The following SSBP3 variants were observed in gnomAD, a reference collection of about 807,000 sequenced individuals.
SSBP3 encodes the protein single-stranded DNA-binding protein 3.
A neutral mutation model predicts 69.6 loss-of-function variants in SSBP3; 5 were observed. The observed-to-expected ratio is 0.07, with a 90% confidence interval of 0.04 to 0.15. The LOEUF (loss-of-function observed/expected upper bound fraction) is 0.15. Among genes scored for constraint, SSBP3 ranks in the 10% least tolerant of loss-of-function variants. SSBP3 has a pLI of 1.00. For synonymous variants in SSBP3, 196 were observed against 193.4 expected (o/e 1.01, Z -0.11); for missense variants, 312 against 534.0 (o/e 0.58, Z 4.10).
intron 4 of SSBP3, among the ~76,000 whole-genome samples, chr1:54,327,879 C>G (rs1455701537): frequency 1.3e-5 from 2 of 152,208 alleles, no homozygotes. Context: ...CTGGGGCTCA[C>G]TCTGCATCTT....
rs188037020 is a variant in SSBP3, at chr1:54,289,180, G to A, written c.277-7653C>T. On this transcript the variant is annotated intron_variant, in intron 4 of 17. Transcript: ENST00000610401. ...AGAAGCACAATCCATTCCCGTGTTT[G>A]AGACTGTCTATATGTTTTTGTGCTT... Among the ~76,000 whole-genome samples the A allele has an allele frequency of 9.4e-4, 143 of 152,220 alleles. 1 individual carries two copies. Among genetic ancestry groups the A allele is most frequent in the Middle Eastern group, 6.8e-3 (2 of 294 alleles).
intron 4 of SSBP3, among the ~76,000 whole-genome samples, chr1:54,340,205 G>A (rs988539565): frequency 2.0e-5 from 3 of 152,152 alleles, no homozygotes; most frequent in African/African-American, 7.2e-5. Flanking sequence ...TATCTCTCTT[G>A]CCTCTGTGCA....
chr1:54,406,949 C>G (rs888109718), upstream of SSBP3, among the ~76,000 whole-genome samples: 3 of 151,992 alleles, frequency 2.0e-5, no homozygotes, highest in African/African-American at 7.2e-5. Context: ...GACTCCAGCC[C>G]GGCCCCCAGC....
intron 4 of SSBP3, among the ~76,000 whole-genome samples, chr1:54,335,166 G>A (rs934213885): frequency 6.6e-6 from 1 of 152,190 alleles, no homozygotes; most frequent in Non-Finnish European, 1.5e-5. Context: ...CTTGTTACCA[G>A]AATCCCATCA....
chr1:54,267,258 C>G (rs927800123), intron 5 of SSBP3, among the ~76,000 whole-genome samples: 14 of 152,186 alleles, frequency 9.2e-5, no homozygotes, highest in Admixed American at 3.3e-4. Context: ...CCACATGTAT[C>G]CATACAACAG....
chr1:54,403,338 A>G (rs762875965), intron 3 of SSBP3, among the ~76,000 whole-genome samples: 1 of 152,180 alleles, frequency 6.6e-6, no homozygotes, highest in Non-Finnish European at 1.5e-5. Context: ...TCCACACGTT[A>G]AAGGTTTCTA....
At chr1:54,265,843 C>T (rs1645092709) in intron 5 of SSBP3, among the ~76,000 whole-genome samples, 1 of 152,226 alleles carries the variant, frequency 6.6e-6, no homozygotes, top group South Asian at 2.1e-4. Flanking sequence ...AGCAGTCTCT[C>T]CAAGGAGCCA....
intron 5 of SSBP3, among the ~76,000 whole-genome samples, chr1:54,259,728 C>A (rs1327104275): frequency 6.6e-6 from 1 of 152,172 alleles, no homozygotes; most frequent in Non-Finnish European, 1.5e-5. Context: ...GTGCAGAGAA[C>A]ATCGCAGGGG....
At chr1:54,340,738 G>GT (rs746027575) in intron 4 of SSBP3, among the ~76,000 whole-genome samples, 14 of 152,132 alleles carry the variant, frequency 9.2e-5, no homozygotes, top group Non-Finnish European at 2.1e-4. Context: ...CAGAAACGAC[G>GT]TAAAACAAGG....
At chr1:54,241,492 T>TGAG in exon 12 of SSBP3, 1 of 1,614,078 alleles carries the variant, frequency 6.2e-7, no homozygotes, top group Middle Eastern at 1.7e-4. Context: ...TACCAGGTGA[T>TGAG]GAGGAGGAGT....
chr1:54,282,074 A>AATAATAATAATAATAATAAT (rs1553130865), intron 4 of SSBP3, among the ~76,000 whole-genome samples: 25 of 125,036 alleles, frequency 2.0e-4, no homozygotes, highest in African/African-American at 6.1e-4. Flanking sequence ...ATAATAATAA[A>AATAATAATAATAATAATAAT]AAAATGGGGG....
intron 4 of SSBP3, among the ~76,000 whole-genome samples, chr1:54,347,815 C>G (rs984662317): frequency 6.6e-6 from 1 of 152,212 alleles, no homozygotes; most frequent in Admixed American, 6.5e-5. Context: ...GGCAGATGCT[C>G]CTCTAGAACC....
rs990834131 is a variant in SSBP3 at position 54,228,191 on chromosome 1, A to T, written c.1137+64T>A. ...GCTGCAGCCCGGCTCCGTAGCTCGC[A>T]ACTTGTTAGGAAAGAGTCCCCAGGC... On this transcript the variant is annotated intron_variant, in intron 17 of 17. Transcript: ENST00000610401. 12 of 1,483,678 alleles carry T rather than the reference A, an allele frequency of 8.1e-6. No individual in the cohort carries two copies. The Middle Eastern group carries it at 6.7e-4, about 82-fold the overall frequency. The allele number at this position is 1,483,678 out of a possible 1,614,324, so 91.9% of individuals were successfully genotyped here. A position where few individuals can be genotyped will look rare whatever the true frequency, so the allele number is the denominator to read the frequency against.
At chr1:54,237,362 C>G (rs914613839) in intron 14 of SSBP3, 2 of 152,166 alleles carry the variant, frequency 1.3e-5, no homozygotes, top group African/African-American at 4.8e-5. Flanking sequence ...ATGATAATGG[C>G]GTCCATTCAA....
intron 3 of SSBP3, among the ~76,000 whole-genome samples, chr1:54,403,737 GCTTT>G (rs1649473991): frequency 6.6e-6 from 1 of 152,150 alleles, no homozygotes; most frequent in Non-Finnish European, 1.5e-5. Flanking sequence ...AAGCCACTCT[GCTTT>G]CTTTTCTTTT....
intron 5 of SSBP3, among the ~76,000 whole-genome samples, chr1:54,275,815 G>GT (rs1363132975): frequency 5.9e-5 from 9 of 152,178 alleles, no homozygotes; most frequent in Non-Finnish European, 1.2e-4. Context: ...CAGGTTCTCC[G>GT]TAACAGAACT....
At chr1:54,378,717 G>C (rs1293505001) in intron 4 of SSBP3, among the ~76,000 whole-genome samples, 1 of 152,188 alleles carries the variant, frequency 6.6e-6, no homozygotes, top group East Asian at 1.9e-4. Context: ...AGTGAGGCCC[G>C]GGGCTGAGTT....
chr1:54,366,091 T>C (rs1321774767), intron 4 of SSBP3, among the ~76,000 whole-genome samples: 3 of 152,048 alleles, frequency 2.0e-5, no homozygotes, highest in Non-Finnish European at 4.4e-5. Flanking sequence ...CCTTGGAGGG[T>C]ACTTTTTCCA....
exon 5 of SSBP3, chr1:54,281,440 G>C: frequency 1.3e-6 from 2 of 1,561,504 alleles, no homozygotes; most frequent in Non-Finnish European, 1.7e-6. Flanking sequence ...GCACGTACCT[G>C]AAAGAAACCT....
Sources: gnomAD v4.1 joint callset for allele counts (sites outside exome capture counted in the v4.1 genomes callset) on GRCh38, gnomAD v4.1.1 for gene constraint, MANE v1.5 for transcripts, NCBI Gene and HGNC (gene_info 2026-07-23, HGNC 2026-07-21) for gene names.